Variants in ANKRD36C observed in about 807,000 individuals in gnomAD.
ANKRD36C encodes ankyrin repeat domain 36C, also known as ankyrin repeat domain-containing protein 36C.
ANKRD36C carries 61 observed loss-of-function variants against 276.4 expected under a neutral mutation model. That is an observed-to-expected ratio of 0.22 (90% CI 0.18 to 0.27). ANKRD36C has a LOEUF of 0.27. Ranked by LOEUF, ANKRD36C falls within the 10% of genes least tolerant of loss-of-function variation. ANKRD36C has a pLI of 1.00. For synonymous variants in ANKRD36C, 483 were observed against 680.1 expected, an observed-to-expected ratio of 0.71 and a Z score of 4.51; for missense variants, 1,447 against 2,032.3, an observed-to-expected ratio of 0.71 and a Z score of 5.54.
intron 12 of ANKRD36C, among the ~76,000 whole-genome samples, chr2:95,957,793 G>A (rs1483848579): frequency 1.3e-5 from 2 of 152,192 alleles, no homozygotes; most frequent in African/African-American, 4.8e-5. Context: ...ATTCTCTAAA[G>A]TATTTTCATT....
At chr2:95,892,188 T>A (rs1676388329) in intron 44 of ANKRD36C, among the ~76,000 whole-genome samples, 1 of 151,514 alleles carries the variant, frequency 6.6e-6, no homozygotes, top group Non-Finnish European at 1.5e-5. Context: ...CTCATACACG[T>A]GAGAATAAAT....
intron 58 of ANKRD36C, among the ~76,000 whole-genome samples, chr2:95,879,021 G>A (rs1676015886): frequency 6.6e-6 from 1 of 152,172 alleles, no homozygotes; most frequent in African/African-American, 2.4e-5. Context: ...CATGTTTATT[G>A]CAGCACTTTC....
chr2:95,967,653 G>T (rs1476580081), intron 6 of ANKRD36C, among the ~76,000 whole-genome samples: 1 of 152,076 alleles, frequency 6.6e-6, no homozygotes, highest in Non-Finnish European at 1.5e-5. Flanking sequence ...TACTCGGTGT[G>T]TGTGTGTGTG....
At chr2:95,865,897 G>A (rs1408826446) in intron 60 of ANKRD36C, among the ~76,000 whole-genome samples, 1 of 152,010 alleles carries the variant, frequency 6.6e-6, no homozygotes, top group Non-Finnish European at 1.5e-5. Flanking sequence ...GTATTAAATT[G>A]CTTTTGACTC....
chr2:95,958,528 G>C, intron 12 of ANKRD36C, 63 bp downstream of exon 12: 1 of 1,530,906 alleles, frequency 6.5e-7, no homozygotes, highest in Non-Finnish European at 8.8e-7. Flanking sequence ...TGATTTATTC[G>C]GGGAAGGGAA....
At chr2:95,958,631 G>T (rs1678386140) in exon 12 of ANKRD36C, 6 of 1,546,780 alleles carry the variant, frequency 3.9e-6, no homozygotes, top group Non-Finnish European at 4.4e-6. Context: ...CTGTGGCTGT[G>T]TTCGAAACAG....
intron 19 of ANKRD36C, 82 bp downstream of exon 19, chr2:95,944,545 T>A (rs1677980827): frequency 7.4e-7 from 1 of 1,343,838 alleles, no homozygotes; most frequent in Admixed American, 2.2e-5. Context: ...AAATTAAAGA[T>A]CATTAACAGA....
chr2:95,933,170 T>G (rs1677614438), intron 24 of ANKRD36C, among the ~76,000 whole-genome samples: 1 of 152,286 alleles, frequency 6.6e-6, no homozygotes, highest in Admixed American at 6.5e-5. Flanking sequence ...TGTACCATGC[T>G]GTTTTCATTA....
intron 34 of ANKRD36C, among the ~76,000 whole-genome samples, chr2:95,920,783 G>T (rs1677242052): frequency 6.7e-6 from 1 of 148,988 alleles, no homozygotes; most frequent in African/African-American, 2.5e-5. Flanking sequence ...GATACTTCTT[G>T]GGAGTATCAT....
At chr2:95,968,632 A>G (rs1678640710) in intron 6 of ANKRD36C, among the ~76,000 whole-genome samples, 1 of 152,188 alleles carries the variant, frequency 6.6e-6, no homozygotes, top group Non-Finnish European at 1.5e-5. Context: ...TTCCCCAGCA[A>G]CAAGCAAACA....
chr2:95,890,245 C>G (rs1214085346), intron 46 of ANKRD36C, among the ~76,000 whole-genome samples: 2 of 151,300 alleles, frequency 1.3e-5, no homozygotes, highest in Non-Finnish European at 3.0e-5. Flanking sequence ...TAAAATAAAG[C>G]CCTGTCAATA....
intron 46 of ANKRD36C, among the ~76,000 whole-genome samples, chr2:95,891,166 A>G (rs954757317): frequency 2.7e-4 from 41 of 151,574 alleles, no homozygotes; most frequent in African/African-American, 9.6e-4. Context: ...CCCCAAAATT[A>G]TATAAAAGAA....
At chr2:95,890,089 G>A in intron 46 of ANKRD36C, 95 bp from the exon 67 acceptor site, 3 of 1,467,996 alleles carry the variant, frequency 2.0e-6, no homozygotes, top group Non-Finnish European at 2.8e-6. Flanking sequence ...CTGTCCTCCT[G>A]CCTGTATTAG....
chr2:95,867,364 G>A, intron 60 of ANKRD36C, 76 bp downstream of exon 80: 1 of 594,862 alleles, frequency 1.7e-6, no homozygotes. Flanking sequence ...AGTACTCTAT[G>A]GTACAGTGTT....
chr2:95,871,305 A>T (rs1222540879), intron 59 of ANKRD36C, among the ~76,000 whole-genome samples: 2 of 152,226 alleles, frequency 1.3e-5, no homozygotes, highest in Admixed American at 6.5e-5. Flanking sequence ...CCATCAGACT[A>T]ACAGTGGATC....
chr2:95,915,050 A>T (rs549517206), intron 38 of ANKRD36C, among the ~76,000 whole-genome samples: 1 of 151,708 alleles, frequency 6.6e-6, no homozygotes, highest in African/African-American at 2.4e-5. Flanking sequence ...TGCTACAAGC[A>T]TTAGATATTA....
chr2:95,890,351 G>A (rs1230430639), intron 46 of ANKRD36C, among the ~76,000 whole-genome samples: 1 of 151,472 alleles, frequency 6.6e-6, no homozygotes, highest in African/African-American at 2.4e-5. Context: ...GGTGCTACAG[G>A]ATCCCACATG....
intron 6 of ANKRD36C, among the ~76,000 whole-genome samples, chr2:95,974,692 G>A (rs1425160681): frequency 1.3e-5 from 2 of 151,736 alleles, no homozygotes; most frequent in African/African-American, 2.4e-5. Context: ...TAGGGTACAT[G>A]TGCACAACGT....
At chr2:95,880,451 T>C in exon 58 of ANKRD36C, 1 of 1,556,154 alleles carries the variant, frequency 6.4e-7, no homozygotes, top group Non-Finnish European at 8.7e-7. Flanking sequence ...TGTACATCTT[T>C]CATTTTGGTG....
Sources: gnomAD v4.1 joint callset for allele counts (sites outside exome capture counted in the v4.1 genomes callset) on GRCh38, gnomAD v4.1.1 for gene constraint, MANE v1.5 for transcripts, NCBI Gene and HGNC (gene_info 2026-07-23, HGNC 2026-07-21) for gene names.